The following TGFBR3 variants were observed in gnomAD, a reference collection of about 807,000 sequenced individuals.
TGFBR3 encodes the protein transforming growth factor beta receptor type 3.
TGFBR3 carries 46 observed loss-of-function variants against 87.9 expected under a neutral mutation model. The ratio of observed to expected loss-of-function variants is 0.52; its 90% CI spans 0.41 to 0.67. TGFBR3 has a LOEUF of 0.67. TGFBR3 is among the 30% of genes least tolerant of loss of function. The pLI is 0.00. For synonymous variants in TGFBR3, 381 were observed against 391.6 expected (o/e 0.97, Z 0.32); for missense variants, 866 against 1,041.9 (o/e 0.83, Z 2.32).
At chr1:91,829,395 C>CAAAAA (rs71586715) in intron 2 of TGFBR3, among the ~76,000 whole-genome samples, 3 of 140,304 alleles carry the variant, frequency 2.1e-5, no homozygotes. Context: ...AACAAACAAA[C>CAAAAA]AAAAAAAAAA....
At chr1:91,740,497 TG>T (rs1673126880) in intron 4 of TGFBR3, among the ~76,000 whole-genome samples, 1 of 152,132 alleles carries the variant, frequency 6.6e-6, no homozygotes, top group Non-Finnish European at 1.5e-5. Flanking sequence ...CCCAAGTAGC[TG>T]GGATTACAGG....
At chr1:91,734,564 T>G (rs1201637696) in intron 5 of TGFBR3, among the ~76,000 whole-genome samples, 2 of 152,210 alleles carry the variant, frequency 1.3e-5, no homozygotes, top group Non-Finnish European at 2.9e-5. Flanking sequence ...GTGTTTCACT[T>G]GGCCATAACC....
chr1:91,795,936 G>A (rs1557714922), intron 3 of TGFBR3, among the ~76,000 whole-genome samples: 1 of 152,152 alleles, frequency 6.6e-6, no homozygotes, highest in Non-Finnish European at 1.5e-5. Context: ...ATTAAAATCA[G>A]CTTGCTTTTC....
intron 1 of TGFBR3, among the ~76,000 whole-genome samples, chr1:91,875,790 G>GT (rs774675873): frequency 3.4e-5 from 2 of 58,898 alleles, no homozygotes; most frequent in East Asian, 5.8e-4. Flanking sequence ...CGGGCGGGGG[G>GT]GGGGGGTGGG....
rs762290500 is a variant in TGFBR3, at chr1:91,680,429, C to T, written c.*3310G>A. On this transcript the variant is annotated 3_prime_UTR_variant, in exon 17 of 17. Transcript: ENST00000212355. ...AAAACTATACATCTAAGCATCTTCA[C>T]AAAATAGCTGACACACTGAACAGAG... The T allele has an allele frequency of 1.3e-5, 6 of 453,926 alleles. No homozygotes were observed. Among genetic ancestry groups the T allele is most frequent in the Admixed American group, 1.2e-4 (5 of 42,546 alleles). The allele number at this position is 453,926 out of a possible 1,614,324, so 28.1% of individuals were successfully genotyped here. A position where few individuals can be genotyped will look rare whatever the true frequency, so the allele number is the denominator to read the frequency against.
Position 91,682,175 on chromosome 1 carries a change from T to A in TGFBR3, c.*1564A>T, listed in dbSNP as rs1557652853. 2.2e-6 allele frequency: 1 copy of A among 454,114 alleles called. No individual in the cohort carries two copies. Among genetic ancestry groups the A allele is most frequent in the African/African-American group, 2.0e-5 (1 of 50,128 alleles). 28.1% of individuals were successfully genotyped at this position (454,114 alleles called of 1,614,324 possible). A position where few individuals can be genotyped will look rare whatever the true frequency, so the allele number is the denominator to read the frequency against. On this transcript the variant is annotated 3_prime_UTR_variant, in exon 17 of 17. Transcript: ENST00000212355. The stretch of plus-strand genomic sequence containing the variant: ...CCATGTAGACACTGCCCTAAGGTTT[T>A]AAGCTTCATCAGGATTACCTACTGA...
chr1:91,818,277 CCTTTTTTTTTTTTTTTTTTTTTTTTTTT>C (rs373503202), intron 2 of TGFBR3, among the ~76,000 whole-genome samples: 34,214 of 123,076 alleles, frequency 0.28, 5,437 homozygotes, highest in East Asian at 0.4. Context: ...TTAGCCCCAG[CCTTTTTTTTTTTTTTTTTTTTTTTTTTT>C]TTTTTTTTTT....
chr1:91,784,185 A>ACT (rs1483099691), intron 3 of TGFBR3, among the ~76,000 whole-genome samples: 6 of 152,208 alleles, frequency 3.9e-5, no homozygotes, highest in Admixed American at 6.5e-5. Flanking sequence ...ATTAAAAGAG[A>ACT]TTTAATTAAA....
intron 4 of TGFBR3, among the ~76,000 whole-genome samples, chr1:91,737,431 G>A (rs1270034026): frequency 2.0e-5 from 3 of 152,270 alleles, no homozygotes; most frequent in Admixed American, 1.3e-4. Context: ...GCAGAAAAGC[G>A]GAAACCTCAG....
intron 1 of TGFBR3, among the ~76,000 whole-genome samples, chr1:91,868,194 A>G (rs1459479847): frequency 6.6e-6 from 1 of 152,240 alleles, no homozygotes; most frequent in Non-Finnish European, 1.5e-5. Flanking sequence ...CTGGGATTAC[A>G]GGTGTGAACC....
At chr1:91,839,036 G>A (rs1282618930) in intron 2 of TGFBR3, among the ~76,000 whole-genome samples, 2 of 152,150 alleles carry the variant, frequency 1.3e-5, no homozygotes, top group Non-Finnish European at 2.9e-5. Context: ...AGAGTGCAGT[G>A]GCATGAACAT....
chr1:91,873,657 A>G (rs1678675478), intron 1 of TGFBR3, among the ~76,000 whole-genome samples: 1 of 152,132 alleles, frequency 6.6e-6, no homozygotes, highest in African/African-American at 2.4e-5. Flanking sequence ...TAAGAAATCC[A>G]TAAAATGGGC....
intron 7 of TGFBR3, among the ~76,000 whole-genome samples, chr1:91,725,819 T>C (rs1672529426): frequency 6.6e-6 from 1 of 152,222 alleles, no homozygotes; most frequent in Admixed American, 6.5e-5. Context: ...AATTTCACTA[T>C]GCTGTCTCTA....
At chr1:91,876,315 TG>T (rs1280217158) in intron 1 of TGFBR3, among the ~76,000 whole-genome samples, 1 of 152,194 alleles carries the variant, frequency 6.6e-6, no homozygotes, top group African/African-American at 2.4e-5. Flanking sequence ...GCTGATCTTC[TG>T]GCAGTGGAAA....
intron 2 of TGFBR3, among the ~76,000 whole-genome samples, chr1:91,810,363 A>G (rs1195556640): frequency 6.6e-6 from 1 of 151,834 alleles, no homozygotes; most frequent in Non-Finnish European, 1.5e-5. Flanking sequence ...CTGGCCCAGA[A>G]CTACACTTTT....
chr1:91,703,646 G>T (rs993964431), intron 14 of TGFBR3, among the ~76,000 whole-genome samples: 7 of 152,160 alleles, frequency 4.6e-5, no homozygotes, highest in Non-Finnish European at 1.0e-4. Flanking sequence ...CACCGACGTG[G>T]TGTAATCATT....
At chr1:91,845,651 G>A (rs1429669724) in intron 2 of TGFBR3, among the ~76,000 whole-genome samples, 9 of 152,134 alleles carry the variant, frequency 5.9e-5, no homozygotes, top group Admixed American at 1.3e-4. Context: ...CTGTTTACCT[G>A]TTTCTTCCTT....
At position 91,739,256 on chromosome 1, in the gene TGFBR3, G is replaced by T. The variant is rs76168044; in HGVS notation, c.385-4297C>A. Among the ~76,000 whole-genome samples the T allele has an allele frequency of 6.4e-3, 981 of 152,198 alleles. 5 individuals carry two copies. Among genetic ancestry groups the T allele is most frequent in the Middle Eastern group, 0.027 (8 of 294 alleles). On this transcript the variant is annotated intron_variant, in intron 4 of 16. Coordinates refer to ENST00000212355, the MANE Select transcript of TGFBR3 (RefSeq NM_003243.5). Reference sequence around the variant, plus strand: ...GCAGGAGATCATTAGTAGACTTCCGGAATAATTCAGGTGAGAAACAGTGGT... The same window carrying T: ...GCAGGAGATCATTAGTAGACTTCCGTAATAATTCAGGTGAGAAACAGTGGT...
intron 1 of TGFBR3, among the ~76,000 whole-genome samples, chr1:91,865,134 G>C (rs1468637308): frequency 6.7e-6 from 1 of 149,336 alleles, no homozygotes; most frequent in Non-Finnish European, 1.5e-5. Context: ...ACCCAGGAGA[G>C]GGAAATTGCA....
Sources: allele counts gnomAD v4.1 joint callset (sites outside exome capture counted in the v4.1 genomes callset), GRCh38; gene constraint gnomAD v4.1.1; transcripts MANE v1.5; gene names NCBI Gene and HGNC (gene_info 2026-07-23, HGNC 2026-07-21).